The following PDGFC variants were observed in gnomAD, a reference collection of about 807,000 sequenced individuals.
PDGFC encodes the protein platelet derived growth factor C, also known as platelet-derived growth factor C.
Under a neutral mutation model 35.5 loss-of-function variants are expected in PDGFC, and 12 were observed. That is an observed-to-expected ratio of 0.34 (90% CI 0.22 to 0.55). The LOEUF (loss-of-function observed/expected upper bound fraction) is 0.55, where lower values mean the gene tolerates loss of function less well. Ranked by LOEUF, PDGFC falls within the 20% of genes least tolerant of loss-of-function variation. The probability of loss-of-function intolerance (pLI) is 0.91; values close to 1 mark genes in which losing one functional copy is unlikely to be tolerated. For missense variants in PDGFC, 322 were observed against 412.4 expected (o/e 0.78, Z 1.90); for synonymous variants, 159 against 148.8 (o/e 1.07, Z -0.50).
chr4:156,830,249 T>TA (rs59515143), intron 2 of PDGFC, among the ~76,000 whole-genome samples: 1,671 of 142,266 alleles, frequency 0.012, 5 homozygotes, highest in African/African-American at 0.022. Flanking sequence ...GGAATTGCAT[T>TA]AAAAAAAAAA....
intron 1 of PDGFC, among the ~76,000 whole-genome samples, chr4:156,882,323 C>T (rs1447784180): frequency 1.3e-5 from 2 of 152,018 alleles, no homozygotes; most frequent in East Asian, 3.9e-4. Flanking sequence ...ACAAATTTCT[C>T]CAAGACTTAA....
intron 3 of PDGFC, among the ~76,000 whole-genome samples, chr4:156,802,555 TACACAC>T (rs3042776): frequency 0.066 from 9,565 of 145,644 alleles, 389 homozygotes; most frequent in Middle Eastern, 0.1. Flanking sequence ...TACACACACA[TACACAC>T]ACACACACAC....
chr4:156,850,290 T>C lies in PDGFC; in HGVS notation c.245A>G (p.Glu82Gly), dbSNP rs1349672377. The C allele has an allele frequency of 8.1e-6, 13 of 1,610,708 alleles. No homozygotes were observed. Among genetic ancestry groups the C allele is most frequent in the Non-Finnish European group, 1.1e-5 (13 of 1,178,016 alleles). ...AAACGTAAGTTGTATCCATACATTT[T>C]CCTCTACTGCTACTAATCTCCATAC... The part of the protein sequence containing the change: ...VLVWRLVAVE[E>G]NVWIQLTFDE... Residue 82 changes from glutamate to glycine, a missense_variant, in exon 2 of 6, where the codon GAA (glutamate) becomes GGA (glycine). Around this residue, in one of 2 missense-constraint regions of PDGFC, gnomAD observed 120 missense variants for 116.6 expected, o/e 1.03. Coordinates refer to ENST00000502773, the MANE Select transcript of PDGFC (RefSeq NM_016205.3).
At chr4:156,865,607 T>C (rs1010393963) in intron 1 of PDGFC, among the ~76,000 whole-genome samples, 2 of 152,162 alleles carry the variant, frequency 1.3e-5, no homozygotes, top group African/African-American at 4.8e-5. Flanking sequence ...TAAAAGACAC[T>C]ACCATCACCA....
chr4:156,856,875 G>C (rs1234497969), intron 1 of PDGFC, among the ~76,000 whole-genome samples: 2 of 152,054 alleles, frequency 1.3e-5, no homozygotes, highest in Non-Finnish European at 2.9e-5. Flanking sequence ...TATTTCAGCA[G>C]AAAGTGATAG....
chr4:156,783,718 G>A (rs2110855556), intron 3 of PDGFC, among the ~76,000 whole-genome samples: 1 of 152,090 alleles, frequency 6.6e-6, no homozygotes. Flanking sequence ...TTCATGGTGG[G>A]GCCAAATCTT....
intron 4 of PDGFC, among the ~76,000 whole-genome samples, chr4:156,770,835 T>G (rs1156946482): frequency 6.6e-6 from 1 of 152,174 alleles, no homozygotes; most frequent in Non-Finnish European, 1.5e-5. Flanking sequence ...AGTCTATTAC[T>G]GTAATGTAAT....
In PDGFC at chr4:156,959,948, G is replaced by T. The variant is rs143084588; in HGVS notation, c.118+10838C>A. Among the ~76,000 whole-genome samples, 725 of 151,984 alleles carry T rather than the reference G, an allele frequency of 4.8e-3. 8 individuals are homozygous for T. The highest frequency in any genetic ancestry group is 0.016 in the African/African-American group (676 of 41,504). On this transcript the variant is annotated intron_variant, in intron 1 of 5. Transcript: ENST00000502773. ...TTAAAGATAAATTTTTCACCGTGAA[G>T]CAAAAACTTCTTTAAAATAAGAATA...
In PDGFC at chr4:156,901,595, CATTATTATT is replaced by C. The variant is rs111503240; in HGVS notation, c.119-51188_119-51180del. On this transcript the variant is annotated intron_variant, in intron 1 of 5. Transcript: ENST00000502773. Reference sequence around the variant, plus strand: ...CAGGGCAATGGCCGGGTATCTATTTCATTATTATTATTATTATTATTATTATTTTACTTT... The same window carrying C: ...CAGGGCAATGGCCGGGTATCTATTTCATTATTATTATTATTATTTTACTTT... Among the ~76,000 whole-genome samples the C allele has an allele frequency of 6.6e-5, 10 of 150,448 alleles. No individual in the cohort carries two copies. In the East Asian group the frequency reaches 1.4e-3, roughly 21 times the overall value.
intron 1 of PDGFC, among the ~76,000 whole-genome samples, chr4:156,938,914 A>G (rs902420590): frequency 2.0e-5 from 3 of 151,944 alleles, no homozygotes; most frequent in African/African-American, 7.2e-5. Context: ...GTATTAAAAT[A>G]GGTATAGTAA....
intron 2 of PDGFC, among the ~76,000 whole-genome samples, chr4:156,834,665 A>G (rs1729020825): frequency 6.6e-6 from 1 of 152,212 alleles, no homozygotes; most frequent in East Asian, 1.9e-4. Context: ...TATGTCTCTC[A>G]GCAGACAGAA....
intron 3 of PDGFC, among the ~76,000 whole-genome samples, chr4:156,789,847 G>T (rs1391188859): frequency 6.6e-6 from 1 of 151,770 alleles, no homozygotes; most frequent in Non-Finnish European, 1.5e-5. Flanking sequence ...CATGGTGACG[G>T]GTGCCTGTAG....
At chr4:156,812,600 T>C (rs1242671164) in intron 2 of PDGFC, among the ~76,000 whole-genome samples, 1 of 152,102 alleles carries the variant, frequency 6.6e-6, no homozygotes, top group Non-Finnish European at 1.5e-5. Context: ...ACATTAAACA[T>C]ATGAAAGAAA....
chr4:156,920,191 T>A (rs1731240349), intron 1 of PDGFC, among the ~76,000 whole-genome samples: 1 of 152,220 alleles, frequency 6.6e-6, no homozygotes, highest in African/African-American at 2.4e-5. Flanking sequence ...CCCCTTTGCT[T>A]TCTGAATTAC....
intron 2 of PDGFC, among the ~76,000 whole-genome samples, chr4:156,830,677 C>T (rs1156572448): frequency 6.6e-6 from 1 of 152,192 alleles, no homozygotes; most frequent in Non-Finnish European, 1.5e-5. Flanking sequence ...GTTCCAAGCA[C>T]ATACGGTGGT....
chr4:156,970,823 A>T lies in PDGFC; in HGVS notation c.81T>A (p.Ser27Arg). The T allele has an allele frequency of 6.2e-7, 1 of 1,613,320 alleles. No homozygotes were observed. The highest frequency in any genetic ancestry group is 1.1e-5 in the South Asian group (1 of 91,050). The change falls in exon 1 of 6, where the codon AGT (serine) becomes AGA (arginine). Residue 27 changes from serine (S) to arginine (R), a missense_variant. Coordinates refer to ENST00000502773, the MANE Select transcript of PDGFC (RefSeq NM_016205.3). ...TGTTGCTGGAAAACTGGAATTTACT[A>T]CTCAGGTTGGATTCCGCCTGAGTCC... ...RQGTQAESNL[S>R]SKFQFSSNKE...
rs532325837 is a variant in PDGFC, at chr4:156,930,751, C to T, written c.118+40035G>A. On this transcript the variant is annotated intron_variant, in intron 1 of 5. Transcript: ENST00000502773. ...GGAGTGGTGGTGCACGCCTGTAATC[C>T]CAGCTACTCGGGAGGCTGAGGCAGG... is the stretch of plus-strand genomic sequence containing the variant. Among the ~76,000 whole-genome samples the T allele has an allele frequency of 8.5e-5, 13 of 152,100 alleles. No homozygotes were observed. In the South Asian group the frequency reaches 2.7e-3, roughly 32 times the overall value.
chr4:156,852,860 A>G (rs1211584667), intron 1 of PDGFC, among the ~76,000 whole-genome samples: 3 of 152,184 alleles, frequency 2.0e-5, no homozygotes, highest in Non-Finnish European at 1.5e-5. Flanking sequence ...GAAGCTGAGA[A>G]CAGTCTAAGG....
intron 1 of PDGFC, among the ~76,000 whole-genome samples, chr4:156,867,827 G>C (rs552597820): frequency 7.3e-4 from 111 of 152,220 alleles, no homozygotes; most frequent in African/African-American, 2.5e-3. Flanking sequence ...TTATGTAAGT[G>C]TAAAAGAAAA....
Sources: gnomAD v4.1 joint callset for allele counts (sites outside exome capture counted in the v4.1 genomes callset) on GRCh38, gnomAD v4.1.1 for gene constraint, gnomAD v4.1.1 regional missense constraint, MANE v1.5 for transcripts, NCBI Gene and HGNC (gene_info 2026-07-23, HGNC 2026-07-21) for gene names.